The following SNX6 variants were observed in gnomAD, a reference collection of about 807,000 sequenced individuals.
SNX6 encodes sorting nexin-6.
In SNX6, 34 loss-of-function variants were observed where a neutral mutation model predicts 63.0. The observed-to-expected ratio is 0.54, with a 90% CI of 0.41 to 0.72. The LOEUF (loss-of-function observed/expected upper bound fraction) is 0.72. Ranked by LOEUF, SNX6 falls within the 30% of genes least tolerant of loss-of-function variation. The probability of loss-of-function intolerance (pLI) is 0.00; values close to 1 mark genes in which losing one functional copy is unlikely to be tolerated. For synonymous variants in SNX6, 170 were observed against 164.2 expected, an observed-to-expected ratio of 1.04 and a Z score of -0.27; for missense variants, 398 against 471.4, an observed-to-expected ratio of 0.84 and a Z score of 1.44.
At chr14:34,620,246 T>A (rs2138381400) in intron 2 of SNX6, among the ~76,000 whole-genome samples, 1 of 152,258 alleles carries the variant, frequency 6.6e-6, no homozygotes, top group East Asian at 1.9e-4. Context: ...TGAACTTGCC[T>A]CCTCCAGCCC....
At chr14:34,588,861 G>A (rs1409415095) in intron 8 of SNX6, among the ~76,000 whole-genome samples, 3 of 152,220 alleles carry the variant, frequency 2.0e-5, no homozygotes. Flanking sequence ...GCTGAGGGCA[G>A]TGGTTCACAC....
chr14:34,592,121 C>T (rs911503879), intron 8 of SNX6, among the ~76,000 whole-genome samples: 1 of 152,192 alleles, frequency 6.6e-6, no homozygotes, highest in African/African-American at 2.4e-5. Flanking sequence ...GGTGCGGTGG[C>T]TCACGCCTGT....
At chr14:34,590,789 A>G (rs1882361215) in intron 8 of SNX6, among the ~76,000 whole-genome samples, 1 of 152,222 alleles carries the variant, frequency 6.6e-6, no homozygotes, top group Admixed American at 6.5e-5. Flanking sequence ...TGTCCGTACA[A>G]AAAGTTATAT....
At chr14:34,618,024 A>G (rs1883487573) in intron 2 of SNX6, among the ~76,000 whole-genome samples, 1 of 152,160 alleles carries the variant, frequency 6.6e-6, no homozygotes, top group Non-Finnish European at 1.5e-5. Flanking sequence ...TCAGTTGTTC[A>G]TATTTTGACA....
chr14:34,568,113 A>C, intron 11 of SNX6, 100 bp from the exon 12 acceptor site: 2 of 987,692 alleles, frequency 2.0e-6, no homozygotes, highest in African/African-American at 1.6e-5. Context: ...CAGAGCTAAC[A>C]CATAGTGAAT....
intron 6 of SNX6, among the ~76,000 whole-genome samples, chr14:34,602,548 G>C (rs867548601): frequency 6.8e-6 from 1 of 147,824 alleles, no homozygotes. Flanking sequence ...CCAAGATTGC[G>C]CCACGGCACT....
In SNX6 at chr14:34,566,301, C is replaced by T. The variant is rs1476703405; in HGVS notation, c.1167+1385G>A. Among the ~76,000 whole-genome samples, 3 of 152,084 alleles carry T rather than the reference C, an allele frequency of 2.0e-5. No individual in the cohort carries two copies. In the East Asian group the frequency reaches 5.8e-4, roughly 29 times the overall value. On this transcript the variant is annotated intron_variant, in intron 13 of 13. Transcript: ENST00000362031. ...CAATCTTGGCTCACGCAGCCTCTGCCTCCTGGGTTTAAGCAACTGTCCTGC... is the reference window on the plus strand; with the variant it reads ...CAATCTTGGCTCACGCAGCCTCTGCTTCCTGGGTTTAAGCAACTGTCCTGC...
intron 2 of SNX6, 56 bp downstream of exon 2, chr14:34,629,851 C>A (rs1883972445): frequency 1.3e-6 from 2 of 1,548,544 alleles, no homozygotes; most frequent in Admixed American, 4.0e-5. Context: ...ACCCGGGGAC[C>A]CAGGATGGGG....
At chr14:34,629,792 G>C (rs1322011882) in intron 2 of SNX6, 115 bp downstream of exon 2, 1 of 1,455,744 alleles carries the variant, frequency 6.9e-7, no homozygotes, top group Non-Finnish European at 9.3e-7. Flanking sequence ...CCGAAAGGAG[G>C]ACTACGGGGA....
In SNX6 at chr14:34,563,056, C is replaced by T; in HGVS notation, c.*66G>A. ...TCCAGTGAGCATAAATGCTTAACAT[C>T]ATTAAGAAAACAAAAATAAAATTTG... On this transcript the variant is annotated 3_prime_UTR_variant, in exon 14 of 14. Transcript: ENST00000362031. 1 of 1,497,864 alleles carries T rather than the reference C, an allele frequency of 6.7e-7. No individual in the cohort carries two copies. Among genetic ancestry groups the T allele is most frequent in the East Asian group, 2.3e-5 (1 of 44,292 alleles). The allele number at this position is 1,497,864 out of a possible 1,614,324, so 92.8% of individuals were successfully genotyped here.
Position 34,579,179 on chromosome 14 carries a change from T to C in SNX6, c.834+2382A>G, listed in dbSNP as rs183444363. The stretch of plus-strand genomic sequence containing the variant: ...TCCATCAATTCCCCTCCTAGTTATA[T>C]ATACCCAACAGAATTGTATACTTGT... On this transcript the variant is annotated intron_variant, in intron 10 of 13. Coordinates refer to ENST00000362031, the MANE Select transcript of SNX6 (RefSeq NM_152233.4). Among the ~76,000 whole-genome samples the C allele has an allele frequency of 4.8e-3, 730 of 152,124 alleles. 1 individual carries two copies. The highest frequency in any genetic ancestry group is 7.6e-3 in the Non-Finnish European group (516 of 67,986).
intron 2 of SNX6, among the ~76,000 whole-genome samples, chr14:34,618,628 G>A (rs1883513567): frequency 6.6e-6 from 1 of 152,142 alleles, no homozygotes; most frequent in South Asian, 2.1e-4. Context: ...GGGATTACAG[G>A]CATGAGCCAC....
chr14:34,629,188 T>G (rs570163935), intron 2 of SNX6, among the ~76,000 whole-genome samples: 3 of 152,102 alleles, frequency 2.0e-5, no homozygotes, highest in Non-Finnish European at 4.4e-5. Context: ...CAGGTTGATT[T>G]TGGTACTCAT....
chr14:34,563,730 G>A (rs1216980217), intron 13 of SNX6, among the ~76,000 whole-genome samples: 5 of 104,616 alleles, frequency 4.8e-5, no homozygotes, highest in Non-Finnish European at 9.8e-5. Context: ...AGATTCTTCA[G>A]TAAATTTTTT....
At chr14:34,577,037 G>A (rs559516863) in intron 10 of SNX6, among the ~76,000 whole-genome samples, 45 of 151,958 alleles carry the variant, frequency 3.0e-4, no homozygotes, top group Admixed American at 1.7e-3. Flanking sequence ...GTGACAGAGC[G>A]AGAGACTGTC....
At chr14:34,616,866 T>C (rs1420414458) in intron 2 of SNX6, among the ~76,000 whole-genome samples, 1 of 151,892 alleles carries the variant, frequency 6.6e-6, no homozygotes, top group African/African-American at 2.4e-5. Flanking sequence ...AAGTCAGGAA[T>C]TTGAGACCAG....
At chr14:34,595,882 T>C (rs1285706101) in intron 7 of SNX6, among the ~76,000 whole-genome samples, 1 of 152,202 alleles carries the variant, frequency 6.6e-6, no homozygotes, top group Non-Finnish European at 1.5e-5. Flanking sequence ...AATCTTCAGA[T>C]AAATCAACTC....
At chr14:34,614,609 G>C (rs1883351619) in intron 2 of SNX6, among the ~76,000 whole-genome samples, 1 of 152,060 alleles carries the variant, frequency 6.6e-6, no homozygotes, top group Non-Finnish European at 1.5e-5. Context: ...TTAATATGTT[G>C]TTCTTAATAT....
At chr14:34,583,590 T>A (rs770894820) in intron 9 of SNX6, among the ~76,000 whole-genome samples, 1 of 151,902 alleles carries the variant, frequency 6.6e-6, no homozygotes, top group Non-Finnish European at 1.5e-5. Flanking sequence ...GAATAGCTAC[T>A]GTATGCCAGC....
Sources: allele counts gnomAD v4.1 joint callset (sites outside exome capture counted in the v4.1 genomes callset), GRCh38; gene constraint gnomAD v4.1.1; transcripts MANE v1.5; gene names NCBI Gene and HGNC (gene_info 2026-07-23, HGNC 2026-07-21).